The following FAM222A variants were observed in gnomAD, a reference collection of about 807,000 sequenced individuals.
FAM222A encodes family with sequence similarity 222 member A.
A neutral mutation model predicts 25.8 loss-of-function variants in FAM222A; 7 were observed. That is an observed-to-expected ratio of 0.27 (90% confidence interval 0.15 to 0.51). The LOEUF (loss-of-function observed/expected upper bound fraction) is 0.51, where lower values mean the gene tolerates loss of function less well. Ranked by LOEUF, FAM222A falls within the 20% of genes least tolerant of loss-of-function variation. FAM222A has a pLI of 0.97. For missense variants in FAM222A, 573 were observed against 640.5 expected (o/e 0.89, Z 1.14); for synonymous variants, 294 against 298.8 (o/e 0.98, Z 0.17).
At chr12:109,733,699 C>T (rs920170474) in intron 1 of FAM222A, among the ~76,000 whole-genome samples, 11 of 152,236 alleles carry the variant, frequency 7.2e-5, no homozygotes, top group East Asian at 5.8e-4. Context: ...CCACCACGCC[C>T]GGCCCCCATT....
chr12:109,722,057 G>C (rs1176939071), intron 1 of FAM222A, among the ~76,000 whole-genome samples: 1 of 151,678 alleles, frequency 6.6e-6, no homozygotes, highest in African/African-American at 2.4e-5. Context: ...AGACAGGGGA[G>C]CCCTCCCAGA....
chr12:109,763,279 T>C (rs902658909), intron 2 of FAM222A, among the ~76,000 whole-genome samples: 16 of 152,236 alleles, frequency 1.1e-4, no homozygotes, highest in African/African-American at 3.9e-4. Context: ...GAGCTTCCAC[T>C]TCCTGCTCTG....
intron 2 of FAM222A, among the ~76,000 whole-genome samples, chr12:109,760,796 C>T (rs550988740): frequency 9.2e-5 from 14 of 152,254 alleles, no homozygotes; most frequent in African/African-American, 3.4e-4. Flanking sequence ...CAGAGGGTGG[C>T]GTATGAGAGG....
chr12:109,760,610 C>A (rs1313134339), intron 2 of FAM222A, among the ~76,000 whole-genome samples: 3 of 123,770 alleles, frequency 2.4e-5, no homozygotes, highest in Admixed American at 8.2e-5. Flanking sequence ...ACACACCCTC[C>A]CTGCCCACCT....
chr12:109,760,917 C>A (rs759039636), intron 2 of FAM222A, among the ~76,000 whole-genome samples: 2 of 152,174 alleles, frequency 1.3e-5, no homozygotes, highest in Non-Finnish European at 2.9e-5. Context: ...CAAGCAGGAG[C>A]TCAGTGGAGG....
intron 2 of FAM222A, among the ~76,000 whole-genome samples, chr12:109,745,809 G>A (rs1378508719): frequency 6.6e-6 from 1 of 152,152 alleles, no homozygotes; most frequent in Non-Finnish European, 1.5e-5. Flanking sequence ...CCTGGCTACA[G>A]TGTAGTTTTA....
intron 2 of FAM222A, among the ~76,000 whole-genome samples, chr12:109,747,708 A>T (rs566219778): frequency 1.3e-5 from 2 of 151,908 alleles, no homozygotes; most frequent in South Asian, 4.2e-4. Context: ...TGGATAGTTT[A>T]GCTTTTTTAG....
intron 1 of FAM222A, among the ~76,000 whole-genome samples, chr12:109,731,944 A>G (rs1887956540): frequency 6.6e-6 from 1 of 152,226 alleles, no homozygotes; most frequent in Non-Finnish European, 1.5e-5. Flanking sequence ...GAGTAGAAAG[A>G]GACCAGCGAA....
At position 109,726,650 on chromosome 12, in the gene FAM222A, C is replaced by G. The variant is rs79945126; in HGVS notation, c.-47+11753C>G. Among the ~76,000 whole-genome samples the G allele has an allele frequency of 0.021, 3,269 of 152,344 alleles. 234 individuals are homozygous for G. The East Asian group carries it at 0.29, about 13-fold the overall frequency. On this transcript the variant is annotated intron_variant, in intron 1 of 2. Transcript: ENST00000538780. ...TCAGGAGCAGCAGGGGGGCTCAGGC[C>G]TGGCTTGATGGTCAGCACCAACGGG...
Position 109,768,344 on chromosome 12 carries a change from G to A in FAM222A, c.415G>A (p.Ala139Thr). 1 of 1,595,344 alleles carries A rather than the reference G, an allele frequency of 6.3e-7. No individual in the cohort carries two copies. Among genetic ancestry groups the A allele is most frequent in the Non-Finnish European group, 8.5e-7 (1 of 1,173,994 alleles). Residue 139 changes from alanine (A) to threonine (T), a missense_variant, in exon 3 of 3, where the codon GCC (alanine) becomes ACC (threonine). Ala to Thr is a moderately conservative substitution (Grantham distance 58). Coordinates refer to ENST00000538780, the MANE Select transcript of FAM222A (RefSeq NM_032829.3). ...GGGCAAGCGGACCAAGCTGTCACCGGCCGCCGTGCAGGTGGGCATTGCGCC... is the reference window on the plus strand; with the variant it reads ...GGGCAAGCGGACCAAGCTGTCACCGACCGCCGTGCAGGTGGGCATTGCGCC... ...AEGKRTKLSP[A>T]AVQVGIAPYP...
chr12:109,718,171 ACCT>A (rs144979224), intron 1 of FAM222A, among the ~76,000 whole-genome samples: 1,979 of 152,276 alleles, frequency 0.013, 48 homozygotes, highest in African/African-American at 0.045. Context: ...GGCTACTGTT[ACCT>A]CCTCCTCAGA....
intron 1 of FAM222A, among the ~76,000 whole-genome samples, chr12:109,726,119 T>TA (rs11464580): frequency 0.71 from 78,581 of 110,228 alleles, 28,594 homozygotes; most frequent in Non-Finnish European, 0.82. Flanking sequence ...AAAAAATTGC[T>TA]AAAAAAAAAA....
intron 1 of FAM222A, chr12:109,743,812 C>T (rs1217439924): frequency 1.0e-6 from 1 of 982,012 alleles, no homozygotes; most frequent in Non-Finnish European, 1.2e-6. Context: ...GGCATCAGGG[C>T]AGGCCCCAGA....
intron 1 of FAM222A, among the ~76,000 whole-genome samples, chr12:109,725,427 T>TCTTCCTCCCC (rs1887821432): frequency 7.9e-6 from 1 of 127,348 alleles, no homozygotes; most frequent in East Asian, 2.2e-4. Flanking sequence ...CTCTTCTCCC[T>TCTTCCTCCCC]CTCCCTCCCC....
intron 1 of FAM222A, chr12:109,735,726 G>C (rs1377115775): frequency 1.3e-5 from 2 of 152,378 alleles, no homozygotes; most frequent in East Asian, 3.9e-4. Flanking sequence ...AAAAAAACTG[G>C]GCGGGGGGCT....
chr12:109,728,197 G>T (rs1489807150), intron 1 of FAM222A, among the ~76,000 whole-genome samples: 1 of 152,172 alleles, frequency 6.6e-6, no homozygotes, highest in African/African-American at 2.4e-5. Flanking sequence ...CAGTGGGTGG[G>T]TCGTGGGTGT....
At chr12:109,734,031 A>G (rs1381491748) in intron 1 of FAM222A, 3 of 152,354 alleles carry the variant, frequency 2.0e-5, no homozygotes, top group African/African-American at 7.2e-5. Context: ...TGGGCAACAT[A>G]GCAAGATCCC....
rs118180123 is a variant in FAM222A, at chr12:109,733,336, A to G, written c.-46-10765A>G. On this transcript the variant is annotated intron_variant, in intron 1 of 2. Transcript: ENST00000538780. Reference sequence around the variant, plus strand: ...TTGGATCTATTGGGTGAAGTAAAATATATTATTAAATTTAATTTCCTCTTA... The same window carrying G: ...TTGGATCTATTGGGTGAAGTAAAATGTATTATTAAATTTAATTTCCTCTTA... Among the ~76,000 whole-genome samples, 170 of 152,326 alleles carry G rather than the reference A, an allele frequency of 1.1e-3. 1 individual carries two copies. In the East Asian group the frequency reaches 0.027, roughly 24 times the overall value.
At chr12:109,726,557 T>C (rs1337994997) in intron 1 of FAM222A, among the ~76,000 whole-genome samples, 1 of 152,222 alleles carries the variant, frequency 6.6e-6, no homozygotes. Context: ...ATGTGATGTC[T>C]ACAGGTCCCA....
Sources: gnomAD v4.1 joint callset for allele counts (sites outside exome capture counted in the v4.1 genomes callset) on GRCh38, gnomAD v4.1.1 for gene constraint, MANE v1.5 for transcripts, NCBI Gene and HGNC (gene_info 2026-07-23, HGNC 2026-07-21) for gene names.